Variants in HIRA observed in about 807,000 individuals in gnomAD.
The protein encoded by HIRA is protein HIRA.
Under a neutral mutation model 126.6 loss-of-function variants are expected in HIRA, and 13 were observed. The ratio of observed to expected loss-of-function variants is 0.10; its 90% confidence interval spans 0.07 to 0.16. HIRA has a LOEUF of 0.16. Ranked by LOEUF, HIRA falls within the 10% of genes least tolerant of loss-of-function variation. HIRA has a pLI of 1.00. For synonymous variants in HIRA, 511 were observed against 520.0 expected (o/e 0.98, Z 0.24); for missense variants, 834 against 1,314.4 (o/e 0.63, Z 5.65).
chr22:19,429,294 C>T (rs1240289490), intron 1 of HIRA, among the ~76,000 whole-genome samples: 1 of 151,830 alleles, frequency 6.6e-6, no homozygotes, highest in Non-Finnish European at 1.5e-5. Context: ...CGTACCACCA[C>T]GCCCAGCTAA....
intron 24 of HIRA, among the ~76,000 whole-genome samples, chr22:19,344,672 G>A (rs973517693): frequency 1.1e-4 from 16 of 152,060 alleles, no homozygotes; most frequent in African/African-American, 3.9e-4. Context: ...GCTAGACAAA[G>A]ATACTACAAG....
rs750257319 is a variant in HIRA, at chr22:19,384,923, G to A, written c.1329+598C>T. 1.6e-4 allele frequency among the ~76,000 whole-genome samples: 24 copies of A among 152,120 alleles called. No individual in the cohort carries two copies. The Middle Eastern group carries it at 0.01, about 65-fold the overall frequency. ...CCTGCCTCAGCCTCCCAAAGTGCTG[G>A]GATTACAGGGGTGAGCCACTGCGCC... On this transcript the variant is annotated intron_variant, in intron 12 of 24. Transcript: ENST00000263208.
At chr22:19,338,032 TC>T (rs1178912245) in intron 24 of HIRA, among the ~76,000 whole-genome samples, 9 of 152,068 alleles carry the variant, frequency 5.9e-5, no homozygotes, top group African/African-American at 2.2e-4. Context: ...CCTTAAATGA[TC>T]CACCCACCTT....
At position 19,363,800 on chromosome 22, in the gene HIRA, A is replaced by G. The variant is rs181060573; in HGVS notation, c.1776-1869T>C. The stretch of plus-strand genomic sequence containing the variant: ...GTAATCCCAGCTACCTGGGAGGCTG[A>G]GGTAGGAGAATTGCTTGAACCTGGG... On this transcript the variant is annotated intron_variant, in intron 15 of 24. Coordinates refer to ENST00000263208, the MANE Select transcript of HIRA (RefSeq NM_003325.4). 1.3e-4 allele frequency among the ~76,000 whole-genome samples: 20 copies of G among 152,258 alleles called. 1 individual carries two copies. In the East Asian group the frequency reaches 3.1e-3, roughly 24 times the overall value.
chr22:19,333,065 T>C (rs1398022821), intron 24 of HIRA, among the ~76,000 whole-genome samples: 1 of 152,120 alleles, frequency 6.6e-6, no homozygotes, highest in Admixed American at 6.5e-5. Flanking sequence ...TGTGCCACCA[T>C]GTCTGGCTAA....
intron 12 of HIRA, 120 bp downstream of exon 12, chr22:19,385,401 T>C: frequency 1.1e-6 from 1 of 936,268 alleles, no homozygotes; most frequent in Non-Finnish European, 1.6e-6. Context: ...CGAGGCTGGC[T>C]AACCCACAGA....
At chr22:19,342,587 C>G (rs1556007876) in intron 24 of HIRA, among the ~76,000 whole-genome samples, 1 of 152,184 alleles carries the variant, frequency 6.6e-6, no homozygotes, top group Non-Finnish European at 1.5e-5. Flanking sequence ...AGGGTTTCAC[C>G]ATGTTGGCTG....
chr22:19,371,403 C>T (rs897941925), intron 15 of HIRA, among the ~76,000 whole-genome samples: 1 of 151,942 alleles, frequency 6.6e-6, no homozygotes, highest in African/African-American at 2.4e-5. Context: ...TTTTTCTTTT[C>T]TAAAAGTATT....
chr22:19,392,693 G>A (rs563935356), intron 8 of HIRA, among the ~76,000 whole-genome samples: 6 of 152,332 alleles, frequency 3.9e-5, no homozygotes, highest in African/African-American at 1.4e-4. Context: ...TTGCCTCACT[G>A]CATTTGTTGT....
At chr22:19,370,840 G>T (rs985217775) in intron 15 of HIRA, among the ~76,000 whole-genome samples, 1 of 152,170 alleles carries the variant, frequency 6.6e-6, no homozygotes, top group South Asian at 2.1e-4. Context: ...AAATGTGATG[G>T]TGGCCCCTTA....
chr22:19,337,105 T>G (rs1453273031), intron 24 of HIRA, among the ~76,000 whole-genome samples: 3 of 147,784 alleles, frequency 2.0e-5, no homozygotes, highest in African/African-American at 7.5e-5. Flanking sequence ...TTTCTTTTTC[T>G]TTTTTTTTTG....
At chr22:19,420,457 T>C (rs370844655) in intron 1 of HIRA, among the ~76,000 whole-genome samples, 229 of 56,908 alleles carry the variant, frequency 4.0e-3, no homozygotes, top group African/African-American at 0.033. Flanking sequence ...CAAAAAAAAC[T>C]GTCTCAAAAA....
chr22:19,381,740 T>C (rs2089075050), intron 13 of HIRA, among the ~76,000 whole-genome samples: 1 of 152,222 alleles, frequency 6.6e-6, no homozygotes, highest in Admixed American at 6.5e-5. Flanking sequence ...ATTTATTATG[T>C]TTTATCCTTG....
At chr22:19,424,467 G>C (rs1453037947) in intron 1 of HIRA, among the ~76,000 whole-genome samples, 1 of 152,222 alleles carries the variant, frequency 6.6e-6, no homozygotes, top group African/African-American at 2.4e-5. Context: ...AAACCTACCA[G>C]GTTAGAAGCC....
chr22:19,364,922 A>T (rs1196899376), intron 15 of HIRA, among the ~76,000 whole-genome samples: 1 of 152,238 alleles, frequency 6.6e-6, no homozygotes, highest in Non-Finnish European at 1.5e-5. Context: ...TCTTAAAGGA[A>T]GTTAAAAGTG....
intron 1 of HIRA, among the ~76,000 whole-genome samples, chr22:19,428,372 T>C (rs1240373458): frequency 6.6e-6 from 1 of 152,218 alleles, no homozygotes; most frequent in Admixed American, 6.5e-5. Context: ...TACTGGCATC[T>C]GGTGGGTAGA....
At chr22:19,387,885 G>C in intron 10 of HIRA, 69 bp from the exon 11 acceptor site, 1 of 1,049,344 alleles carries the variant, frequency 9.5e-7, no homozygotes, top group Non-Finnish European at 1.4e-6. Context: ...GCAGTAGCTG[G>C]CCTGTGAGGA....
Position 19,385,733 on chromosome 22 carries a change from G to T in HIRA, c.1117C>A (p.Arg373Ser). ...TTGCCATAGGTGGACTGGTGAATGCGGCTCTGGGGAAGCAAGGAGAGGCAT... is the reference window on the plus strand; with the variant it reads ...TTGCCATAGGTGGACTGGTGAATGCTGCTCTGGGGAAGCAAGGAGAGGCAT... ...GDPLSEEEKS[R>S]IHQSTYGKSL... Residue 373 changes from arginine (R) to serine (S), a missense_variant, in exon 12 of 25, where the codon CGC (arginine) becomes AGC (serine). By Grantham distance (110) the Arg-to-Ser change is moderately radical. Around this residue, in one of 5 missense-constraint regions of HIRA, gnomAD observed 153 missense variants for 270.6 expected, o/e 0.57. Transcript: ENST00000263208. The T allele has an allele frequency of 6.2e-7, 1 of 1,613,084 alleles. No homozygotes were observed. Among genetic ancestry groups the T allele is most frequent in the Non-Finnish European group, 8.5e-7 (1 of 1,179,588 alleles).
intron 5 of HIRA, among the ~76,000 whole-genome samples, chr22:19,398,438 C>G (rs537410564): frequency 6.6e-6 from 1 of 152,332 alleles, no homozygotes; most frequent in African/African-American, 2.4e-5. Flanking sequence ...GGGCCTTCCT[C>G]CGAGAGCCTT....
Sources: allele counts gnomAD v4.1 joint callset (sites outside exome capture counted in the v4.1 genomes callset), GRCh38; gene constraint gnomAD v4.1.1; regional missense constraint gnomAD v4.1.1; transcripts MANE v1.5; gene names NCBI Gene and HGNC (gene_info 2026-07-23, HGNC 2026-07-21).